GRM5: variants seen among roughly 807,000 people sequenced by gnomAD.
GRM5 encodes the protein glutamate metabotropic receptor 5.
Under a neutral mutation model 83.1 loss-of-function variants are expected in GRM5, and 19 were observed. That is an observed-to-expected ratio of 0.23 (90% CI 0.16 to 0.34). The LOEUF (loss-of-function observed/expected upper bound fraction) is 0.34, where lower values mean the gene tolerates loss of function less well. GRM5 is among the 10% of genes least tolerant of loss of function. The pLI, the probability that GRM5 is intolerant of heterozygous loss-of-function variation, is 1.00. For synonymous variants in GRM5, 675 were observed against 633.6 expected, an observed-to-expected ratio of 1.07 and a Z score of -0.98; for missense variants, 1,160 against 1,588.3, an observed-to-expected ratio of 0.73 and a Z score of 4.58.
At chr11:89,005,683 G>A (rs1272998706) in intron 2 of GRM5, among the ~76,000 whole-genome samples, 1 of 152,116 alleles carries the variant, frequency 6.6e-6, no homozygotes, top group Non-Finnish European at 1.5e-5. Context: ...TCTGTGCCTG[G>A]CATTTAGGAG....
intron 4 of GRM5, among the ~76,000 whole-genome samples, chr11:88,633,425 T>C (rs1022551810): frequency 1.1e-4 from 17 of 152,202 alleles, no homozygotes; most frequent in African/African-American, 3.9e-4. Flanking sequence ...AGAAACCTTT[T>C]CTAACATAAG....
intron 2 of GRM5, among the ~76,000 whole-genome samples, chr11:89,001,644 A>G (rs903699111): frequency 6.6e-6 from 1 of 152,128 alleles, no homozygotes; most frequent in African/African-American, 2.4e-5. Context: ...GTGTCACTAC[A>G]CTGGCTATAA....
In GRM5 at chr11:88,604,764, A is replaced by C. The variant is rs749635747; in HGVS notation, c.1348T>G (p.Ser450Ala). 2.4e-5 allele frequency: 38 copies of C among 1,612,502 alleles called. No individual in the cohort carries two copies. Among genetic ancestry groups the C allele is most frequent in the Non-Finnish European group, 3.1e-5 (36 of 1,178,538 alleles). ...SLMKTNFTGV[S>A]GDTILFDENG... ...TCATCGAATAGGATCGTATCTCCAGAAACCCCAGTAAAATTGGTTTTCATC... is the reference window on the plus strand; with the variant it reads ...TCATCGAATAGGATCGTATCTCCAGCAACCCCAGTAAAATTGGTTTTCATC... Residue 450 changes from serine to alanine, a missense_variant, in exon 5 of 10, where the codon TCT becomes GCT. Coordinates refer to ENST00000305447, the MANE Select transcript of GRM5 (RefSeq NM_001143831.3).
intron 3 of GRM5, among the ~76,000 whole-genome samples, chr11:88,768,734 G>C (rs958853499): frequency 6.6e-6 from 1 of 151,902 alleles, no homozygotes; most frequent in African/African-American, 2.4e-5. Flanking sequence ...TGGGATGACA[G>C]AAGTTGGCAT....
chr11:88,565,106 C>A (rs1565340735), intron 8 of GRM5, among the ~76,000 whole-genome samples: 3 of 151,104 alleles, frequency 2.0e-5, no homozygotes, highest in Admixed American at 1.3e-4. Context: ...ATGAAGTATG[C>A]ATTTCTTTAT....
At chr11:89,000,006 C>T (rs1035388767) in intron 2 of GRM5, among the ~76,000 whole-genome samples, 2 of 152,072 alleles carry the variant, frequency 1.3e-5, no homozygotes, top group Admixed American at 1.3e-4. Flanking sequence ...CCAAACACTG[C>T]ATGTTCTCAT....
At chr11:88,941,789 C>T (rs1938122930) in intron 2 of GRM5, among the ~76,000 whole-genome samples, 2 of 151,826 alleles carry the variant, frequency 1.3e-5, no homozygotes, top group Admixed American at 1.3e-4. Flanking sequence ...CACATATATA[C>T]CTACTGATGC....
At chr11:88,600,227 A>G (rs969271915) in intron 5 of GRM5, among the ~76,000 whole-genome samples, 3 of 140,128 alleles carry the variant, frequency 2.1e-5, no homozygotes, top group African/African-American at 5.4e-5. Context: ...TTCTTCCTCA[A>G]TCCTCCTCCT....
chr11:88,769,307 G>T (rs756983174), intron 3 of GRM5, among the ~76,000 whole-genome samples: 1 of 151,960 alleles, frequency 6.6e-6, no homozygotes, highest in South Asian at 2.1e-4. Flanking sequence ...GATATAGATC[G>T]TTACATGTAG....
chr11:88,549,163 A>G (rs544068672), intron 8 of GRM5, among the ~76,000 whole-genome samples: 58 of 152,180 alleles, frequency 3.8e-4, no homozygotes, highest in Non-Finnish European at 7.5e-4. Flanking sequence ...CAGGAAGAAT[A>G]CCAAAGAAAT....
At chr11:88,649,010 C>A (rs933528397) in intron 4 of GRM5, among the ~76,000 whole-genome samples, 2 of 145,348 alleles carry the variant, frequency 1.4e-5, no homozygotes, top group African/African-American at 2.6e-5. Flanking sequence ...AAGGAAATAA[C>A]ACCAAAGTTC....
chr11:88,780,987 C>T (rs1942963264), intron 3 of GRM5, among the ~76,000 whole-genome samples: 2 of 151,704 alleles, frequency 1.3e-5, no homozygotes, highest in South Asian at 4.2e-4. Context: ...ACTAAGAAAT[C>T]TTTAAACTTA....
chr11:88,864,796 G>T (rs758445750), intron 2 of GRM5, among the ~76,000 whole-genome samples: 5 of 152,018 alleles, frequency 3.3e-5, no homozygotes, highest in Admixed American at 3.3e-4. Context: ...GATATTGGCT[G>T]TGGGTTTCTC....
chr11:88,513,054 T>C (rs1263191180), intron 9 of GRM5, among the ~76,000 whole-genome samples: 1 of 152,222 alleles, frequency 6.6e-6, no homozygotes, highest in Admixed American at 6.5e-5. Context: ...TTTCTCATTG[T>C]GCTACATCCT....
At chr11:88,674,393 T>C (rs1940270352) in intron 3 of GRM5, among the ~76,000 whole-genome samples, 1 of 151,996 alleles carries the variant, frequency 6.6e-6, no homozygotes, top group African/African-American at 2.4e-5. Flanking sequence ...AATTACCATT[T>C]ATATCTAATT....
intron 1 of GRM5, among the ~76,000 whole-genome samples, chr11:89,064,218 C>T (rs11018449): frequency 0.24 from 36,057 of 152,158 alleles, 5,082 homozygotes; most frequent in Non-Finnish European, 0.32. Context: ...TGCCACCAAA[C>T]CTTCTTCCTC....
chr11:88,854,271 T>A lies in GRM5; in HGVS notation c.662-4116A>T, dbSNP rs1378791573. On this transcript the variant is annotated intron_variant, in intron 2 of 9. Coordinates refer to ENST00000305447, the MANE Select transcript of GRM5 (RefSeq NM_001143831.3). Reference sequence around the variant, plus strand: ...AAATAATCAATGTCTATTTCCAGATTAAAATAATTGCCCAACTATGTGACC... The same window carrying A: ...AAATAATCAATGTCTATTTCCAGATAAAAATAATTGCCCAACTATGTGACC... Among the ~76,000 whole-genome samples the A allele has an allele frequency of 4.0e-5, 6 of 151,710 alleles. No individual in the cohort carries two copies. In the Admixed American group the frequency reaches 4.0e-4, roughly 10 times the overall value.
intron 2 of GRM5, among the ~76,000 whole-genome samples, chr11:89,023,010 T>C (rs111703130): frequency 0.019 from 2,850 of 152,230 alleles, 37 homozygotes; most frequent in Middle Eastern, 0.061. Context: ...TTCTGACACG[T>C]TCCCAGGTAA....
chr11:88,603,048 C>T (rs117613200), intron 5 of GRM5, among the ~76,000 whole-genome samples: 4,930 of 152,236 alleles, frequency 0.032, 112 homozygotes, highest in Non-Finnish European at 0.053. Flanking sequence ...TCAAAGCAAT[C>T]CTGAATTCCC....
Sources: allele counts gnomAD v4.1 joint callset (sites outside exome capture counted in the v4.1 genomes callset), GRCh38; gene constraint gnomAD v4.1.1; transcripts MANE v1.5; gene names NCBI Gene and HGNC (gene_info 2026-07-23, HGNC 2026-07-21).